The following DGCR8 variants were observed in gnomAD, a reference collection of about 807,000 sequenced individuals.
The protein encoded by DGCR8 is microprocessor complex subunit DGCR8.
A neutral mutation model predicts 78.5 loss-of-function variants in DGCR8; 14 were observed. The ratio of observed to expected loss-of-function variants is 0.18; its 90% CI spans 0.12 to 0.28. The LOEUF is 0.28. Among genes scored for constraint, DGCR8 ranks in the 10% least tolerant of loss-of-function variants. The pLI is 1.00. For synonymous variants in DGCR8, 399 were observed against 402.4 expected (o/e 0.99, Z 0.10); for missense variants, 702 against 1,022.5 (o/e 0.69, Z 4.28).
chr22:20,082,051 CTT>C (rs113585822), intron 1 of DGCR8, among the ~76,000 whole-genome samples: 19 of 140,456 alleles, frequency 1.4e-4, no homozygotes, highest in African/African-American at 1.8e-4. Context: ...TTCTTTCTTT[CTT>C]TTTTTTTTTT....
intron 1 of DGCR8, among the ~76,000 whole-genome samples, chr22:20,082,893 C>T (rs1318048837): frequency 6.6e-6 from 1 of 152,226 alleles, no homozygotes; most frequent in Non-Finnish European, 1.5e-5. Context: ...ATCCTGGAAT[C>T]AGCTGATGCC....
At position 20,110,241 on chromosome 22, in the gene DGCR8, C is replaced by A; in HGVS notation, c.*133C>A. 1 of 862,896 alleles carries A rather than the reference C, an allele frequency of 1.2e-6. No individual in the cohort carries two copies. The highest frequency in any genetic ancestry group is 1.8e-6 in the Non-Finnish European group (1 of 557,220). 53.5% of individuals were successfully genotyped at this position (862,896 alleles called of 1,614,324 possible). ...CCTGTGGCCAACCTGTGGGCCCGGC[C>A]TTAGGGTGGAGGCTTTAGTGTACAG... is the stretch of plus-strand genomic sequence containing the variant. On this transcript the variant is annotated 3_prime_UTR_variant, in exon 14 of 14. Transcript: ENST00000351989.
chr22:20,109,909 G>T, intron 13 of DGCR8, 116 bp from the exon 14 acceptor site: 2 of 991,180 alleles, frequency 2.0e-6, no homozygotes, highest in East Asian at 2.5e-5. Context: ...CACTGGTGCC[G>T]TTGGGGCTCC....
intron 9 of DGCR8, chr22:20,096,309 GGAA>G (rs1249779261): frequency 5.2e-5 from 10 of 191,918 alleles, no homozygotes; most frequent in Non-Finnish European, 8.6e-5. Flanking sequence ...AGGAGGAGGG[GGAA>G]GAAGAAGAGT....
intron 9 of DGCR8, 44 bp from the exon 10 acceptor site, chr22:20,106,133 G>A (rs374063045): frequency 1.1e-4 from 173 of 1,549,844 alleles, no homozygotes; most frequent in Middle Eastern, 1.7e-4. Context: ...TGAAGAGGCC[G>A]GTGGGCCTGG....
chr22:20,094,740 C>T lies in DGCR8; in HGVS notation c.1733C>T (p.Pro578Leu). 1 of 1,614,170 alleles carries T rather than the reference C, an allele frequency of 6.2e-7. No individual in the cohort carries two copies. Among genetic ancestry groups the T allele is most frequent in the Admixed American group, 1.7e-5 (1 of 60,026 alleles). ...CGAGCTACACTGGAAATCCTCATCC[C>T]TGACTTTGTTAAACAGACCTCTGAA... is the stretch of plus-strand genomic sequence containing the variant. ...AARATLEILI[P>L]DFVKQTSEEK... The change falls in exon 9 of 14, where the codon CCT (proline) becomes CTT (leucine). Residue 578 changes from proline to leucine, a missense_variant. By Grantham distance (98) the Pro-to-Leu change is moderately conservative. Coordinates refer to ENST00000351989, the MANE Select transcript of DGCR8 (RefSeq NM_022720.7).
chr22:20,092,630 C>T (rs1012367274), intron 7 of DGCR8, among the ~76,000 whole-genome samples, 179 bp from the exon 8 acceptor site: 2 of 152,176 alleles, frequency 1.3e-5, no homozygotes, highest in Admixed American at 6.5e-5. Flanking sequence ...CCCTTTGCTG[C>T]TGCTTGTCTG....
At chr22:20,093,403 T>TA (rs377045146) in intron 8 of DGCR8, among the ~76,000 whole-genome samples, 43 of 143,118 alleles carry the variant, frequency 3.0e-4, no homozygotes, top group South Asian at 6.7e-4. Flanking sequence ...AGACTCTGTC[T>TA]AAAAAAAAAA....
At chr22:20,107,172 C>T in intron 11 of DGCR8, 99 bp from the exon 12 acceptor site, 1 of 1,411,172 alleles carries the variant, frequency 7.1e-7, no homozygotes, top group Non-Finnish European at 1.0e-6. Context: ...CCCTGGCTGG[C>T]CCTCGGGGTG....
In DGCR8 at chr22:20,107,302, C is replaced by T. The variant is rs146678770; in HGVS notation, c.2028C>T (p.Ala676=). 177 of 1,614,176 alleles carry T rather than the reference C, an allele frequency of 1.1e-4. No homozygotes were observed. The African/African-American group carries it at 2.1e-3, about 19-fold the overall frequency. Residue 676 remains alanine (A), a synonymous_variant, in exon 12 of 14, where the codon GCC becomes GCT. Coordinates refer to ENST00000351989, the MANE Select transcript of DGCR8 (RefSeq NM_022720.7). ...CKNKRVGKQL[A]SQKILQLLHP... ...ACAAGAGAGTTGGAAAGCAGTTAGC[C>T]TCACAGAAGATCCTTCAGCTGCTGC...
chr22:20,082,090 TCTGTCGCCCAGA>T (rs1328761858), intron 1 of DGCR8, among the ~76,000 whole-genome samples: 2 of 150,818 alleles, frequency 1.3e-5, no homozygotes, highest in African/African-American at 4.9e-5. Context: ...AGAATCTCGC[TCTGTCGCCCAGA>T]CTGGAGTGCA....
At chr22:20,101,109 T>C (rs1260149371) in intron 9 of DGCR8, 1 of 775,828 alleles carries the variant, frequency 1.3e-6, no homozygotes, top group Non-Finnish European at 1.6e-6. Context: ...TGTGGTGGGG[T>C]CGTTTTGAAT....
chr22:20,107,490 C>G (rs1376493964), intron 12 of DGCR8, 92 bp downstream of exon 12: 16 of 1,520,956 alleles, frequency 1.1e-5, no homozygotes, highest in East Asian at 6.8e-5. Context: ...CAGAGCTGGG[C>G]AGCTCTGCTG....
chr22:20,111,474 AAG>A lies in DGCR8; in HGVS notation c.*1368_*1369del. The A allele has an allele frequency of 2.5e-6, 1 of 398,500 alleles. No homozygotes were observed. The allele number at this position is 398,500 out of a possible 1,614,324, so 24.7% of individuals were successfully genotyped here. On this transcript the variant is annotated 3_prime_UTR_variant, in exon 14 of 14. Transcript: ENST00000351989. ...GGTTGGCTTCTGTTGACCTTTAAAA[AAG>A]AAACCCTCAACTCAAATTGCTATAA...
Position 20,108,931 on chromosome 22 carries a change from C to T in DGCR8, c.2166C>T (p.Ala722=), listed in dbSNP as rs2049802890. 1 of 1,610,772 alleles carries T rather than the reference C, an allele frequency of 6.2e-7. No individual in the cohort carries two copies. Among genetic ancestry groups the T allele is most frequent in the Non-Finnish European group, 8.5e-7 (1 of 1,177,210 alleles). ...DKSVIELQQY[A]KKNKPNLHIL... ...GTGTGATTGAGCTGCAGCAGTATGCCAAGAAGAACAAGCCCAACCTGCACA... is the reference window on the plus strand; with the variant it reads ...GTGTGATTGAGCTGCAGCAGTATGCTAAGAAGAACAAGCCCAACCTGCACA... The change falls in exon 13 of 14, where the codon GCC becomes GCT. Residue 722 remains alanine (A), a synonymous_variant. Transcript: ENST00000351989.
chr22:20,091,987 C>A lies in DGCR8; in HGVS notation c.1606+17C>A. 1 of 1,588,338 alleles carries A rather than the reference C, an allele frequency of 6.3e-7. No homozygotes were observed. The highest frequency in any genetic ancestry group is 2.3e-5 in the East Asian group (1 of 44,392). ...TTGAATGTGGTAAGTCTAACCTTCC[C>A]CATTTCAGTCCTAAAGAATCACAAG... is the stretch of plus-strand genomic sequence containing the variant. On this transcript the variant is annotated intron_variant, in intron 7 of 13. Transcript: ENST00000351989.
At chr22:20,107,546 G>T in intron 12 of DGCR8, 148 bp downstream of exon 12, 2 of 958,362 alleles carry the variant, frequency 2.1e-6, no homozygotes, top group South Asian at 3.1e-5. Flanking sequence ...TGGCTTTGTG[G>T]GCAGGGGTGG....
intron 9 of DGCR8, chr22:20,096,340 G>C (rs2049628523): frequency 6.6e-6 from 3 of 455,772 alleles, no homozygotes; most frequent in African/African-American, 6.4e-5. Context: ...GGTATCTCAG[G>C]GGTGGCAGAG....
chr22:20,090,409 T>G lies in DGCR8; in HGVS notation c.1306+151T>G, dbSNP rs1300870608. ...TGTTGGTGTGGCTGAAAGGCTTGTC[T>G]TCCTGTCCTTGCAAGAACCTGCCTG... On this transcript the variant is annotated intron_variant, in intron 5 of 13. Transcript: ENST00000351989. 3 of 991,748 alleles carry G rather than the reference T, an allele frequency of 3.0e-6. No homozygotes were observed. The Admixed American group carries it at 9.1e-5, about 30-fold the overall frequency. The allele number at this position is 991,748 out of a possible 1,614,324, so 61.4% of individuals were successfully genotyped here.
Sources: allele counts gnomAD v4.1 joint callset (sites outside exome capture counted in the v4.1 genomes callset), GRCh38; gene constraint gnomAD v4.1.1; transcripts MANE v1.5; gene names NCBI Gene and HGNC (gene_info 2026-07-23, HGNC 2026-07-21).